LHFPL3: variants seen among roughly 807,000 people sequenced by gnomAD.
LHFPL3 encodes the protein LHFPL tetraspan subfamily member 3, also known as LHFPL tetraspan subfamily member 3 protein.
LHFPL3 carries 5 observed loss-of-function variants against 19.3 expected under a neutral mutation model. That is an observed-to-expected ratio of 0.26 (90% CI 0.14 to 0.54). LHFPL3 has a LOEUF of 0.54. Ranked by LOEUF, LHFPL3 falls within the 20% of genes least tolerant of loss-of-function variation. The pLI, the probability that LHFPL3 is intolerant of heterozygous loss-of-function variation, is 0.94. For missense variants in LHFPL3, 249 were observed against 307.4 expected (o/e 0.81, Z 1.42); for synonymous variants, 133 against 126.2 (o/e 1.05, Z -0.36).
At chr7:104,588,806 G>A (rs1790641487) in intron 1 of LHFPL3, among the ~76,000 whole-genome samples, 1 of 152,126 alleles carries the variant, frequency 6.6e-6, no homozygotes, top group African/African-American at 2.4e-5. Flanking sequence ...GCAGTGGTTT[G>A]TAGTTCTCCT....
intron 1 of LHFPL3, among the ~76,000 whole-genome samples, chr7:104,421,587 G>A (rs1791734275): frequency 6.6e-6 from 1 of 152,168 alleles, no homozygotes; most frequent in African/African-American, 2.4e-5. Flanking sequence ...ATTTGGAAAG[G>A]CTCAGCCAGA....
chr7:104,846,481 G>A (rs575327229), intron 2 of LHFPL3, among the ~76,000 whole-genome samples: 5 of 152,218 alleles, frequency 3.3e-5, no homozygotes, highest in South Asian at 2.1e-4. Context: ...CCAACCCATC[G>A]TTTAGAAACA....
intron 1 of LHFPL3, among the ~76,000 whole-genome samples, chr7:104,537,264 CA>C (rs1794406672): frequency 6.6e-6 from 1 of 152,162 alleles, no homozygotes; most frequent in Non-Finnish European, 1.5e-5. Flanking sequence ...TTCCAGTTAA[CA>C]GTAATTATTT....
intron 1 of LHFPL3, among the ~76,000 whole-genome samples, chr7:104,720,804 T>C (rs1407463810): frequency 2.0e-5 from 3 of 152,196 alleles, no homozygotes; most frequent in African/African-American, 7.2e-5. Flanking sequence ...TCATCACTGG[T>C]CATCAGAGAA....
intron 2 of LHFPL3, among the ~76,000 whole-genome samples, chr7:104,750,178 A>G (rs1289344797): frequency 1.3e-5 from 2 of 152,242 alleles, no homozygotes; most frequent in African/African-American, 4.8e-5. Flanking sequence ...GGCTGTGCCT[A>G]TGCCGACAAG....
intron 1 of LHFPL3, among the ~76,000 whole-genome samples, chr7:104,466,172 C>A (rs528668744): frequency 6.6e-6 from 1 of 152,164 alleles, no homozygotes; most frequent in Non-Finnish European, 1.5e-5. Context: ...TTTTACCCAG[C>A]AACAACTTAC....
intron 2 of LHFPL3, among the ~76,000 whole-genome samples, chr7:104,797,940 C>A (rs1396871892): frequency 6.9e-6 from 1 of 145,454 alleles, no homozygotes; most frequent in Non-Finnish European, 1.5e-5. Context: ...ACAAACCAAA[C>A]AACAACAACA....
intron 1 of LHFPL3, among the ~76,000 whole-genome samples, chr7:104,685,886 T>C (rs1792795260): frequency 6.6e-6 from 1 of 152,190 alleles, no homozygotes; most frequent in Non-Finnish European, 1.5e-5. Flanking sequence ...AGAATCAAAG[T>C]AATGGATGGT....
chr7:104,580,751 C>T (rs532893838), intron 1 of LHFPL3, among the ~76,000 whole-genome samples: 2 of 152,146 alleles, frequency 1.3e-5, no homozygotes, highest in Middle Eastern at 6.8e-3. Flanking sequence ...TTTTCCACTA[C>T]AGATTAGATT....
At chr7:104,732,810 T>C (rs1434497112) in intron 1 of LHFPL3, among the ~76,000 whole-genome samples, 1 of 152,222 alleles carries the variant, frequency 6.6e-6, no homozygotes, top group African/African-American at 2.4e-5. Flanking sequence ...CTTTTAATTG[T>C]CATGTTAGGA....
In LHFPL3 at chr7:104,729,777, G is replaced by C. The variant is rs1793659272; in HGVS notation, c.446-6898G>C. On this transcript the variant is annotated intron_variant, in intron 1 of 2. Coordinates refer to ENST00000424859, the MANE Select transcript of LHFPL3 (RefSeq NM_199000.3). Reference sequence around the variant, plus strand: ...ATTTTTTATTATACTTTAAGTTCTAGGGTACATGTGCACAACATGCAGATT... The same window carrying C: ...ATTTTTTATTATACTTTAAGTTCTACGGTACATGTGCACAACATGCAGATT... Among the ~76,000 whole-genome samples, 3 of 151,964 alleles carry C rather than the reference G, an allele frequency of 2.0e-5. No individual in the cohort carries two copies. The South Asian group carries it at 6.3e-4, about 32-fold the overall frequency.
At chr7:104,770,188 G>T in intron 2 of LHFPL3, among the ~76,000 whole-genome samples, 1 of 152,028 alleles carries the variant, frequency 6.6e-6, no homozygotes, top group South Asian at 2.1e-4. Flanking sequence ...TACTTCAGGA[G>T]ACTTAAAGGA....
At chr7:104,471,838 C>A (rs909215517) in intron 1 of LHFPL3, among the ~76,000 whole-genome samples, 3 of 152,166 alleles carry the variant, frequency 2.0e-5, no homozygotes, top group Non-Finnish European at 4.4e-5. Context: ...AGAAATATTA[C>A]ACTGAAGTTG....
chr7:104,769,914 T>A (rs1794523852), intron 2 of LHFPL3, among the ~76,000 whole-genome samples: 1 of 152,144 alleles, frequency 6.6e-6, no homozygotes, highest in East Asian at 1.9e-4. Flanking sequence ...AAAATAGCAA[T>A]TTCATATGGT....
At position 104,546,965 on chromosome 7, in the gene LHFPL3, G is replaced by A. The variant is rs1205270826; in HGVS notation, c.446-189710G>A. Among the ~76,000 whole-genome samples, 7 of 25,704 alleles carry A rather than the reference G, an allele frequency of 2.7e-4. 3 individuals are homozygous for A. The highest frequency in any genetic ancestry group is 1.8e-3 in the East Asian group (2 of 1,142). 16.9% of individuals were successfully genotyped at this position (25,704 alleles called of 152,430 possible). On this transcript the variant is annotated intron_variant, in intron 1 of 2. Coordinates refer to ENST00000424859, the MANE Select transcript of LHFPL3 (RefSeq NM_199000.3). ...GAAATAGTAGCTCAAGGCCGGGCGC[G>A]GTGGCTCACGCCTGTAATCCCAGCA...
chr7:104,856,733 A>C (rs1166797763), intron 2 of LHFPL3, among the ~76,000 whole-genome samples: 1 of 152,270 alleles, frequency 6.6e-6, no homozygotes, highest in African/African-American at 2.4e-5. Flanking sequence ...TTTAATTGCC[A>C]GAAATTGAAA....
intron 2 of LHFPL3, among the ~76,000 whole-genome samples, chr7:104,840,308 C>CTT (rs67980957): frequency 0.02 from 2,377 of 118,358 alleles, 131 homozygotes; most frequent in African/African-American, 0.068. Flanking sequence ...TGTGGGTTTT[C>CTT]TTTTTTTTTT....
intron 2 of LHFPL3, among the ~76,000 whole-genome samples, chr7:104,807,692 G>A (rs1300337042): frequency 6.6e-6 from 1 of 152,168 alleles, no homozygotes; most frequent in Non-Finnish European, 1.5e-5. Context: ...GGAAGAGAAG[G>A]AGCAGCAGCA....
intron 2 of LHFPL3, among the ~76,000 whole-genome samples, chr7:104,750,758 G>C (rs1019942228): frequency 8.2e-6 from 1 of 122,588 alleles, no homozygotes; most frequent in African/African-American, 3.2e-5. Flanking sequence ...CTTGGGACAG[G>C]GGGGGTTGTT....
Sources: gnomAD v4.1 joint callset for allele counts (sites outside exome capture counted in the v4.1 genomes callset) on GRCh38, gnomAD v4.1.1 for gene constraint, MANE v1.5 for transcripts, NCBI Gene and HGNC (gene_info 2026-07-23, HGNC 2026-07-21) for gene names.